Variants in NFIX observed in about 807,000 individuals in gnomAD.
NFIX encodes nuclear factor 1 X-type.
In NFIX, 2 loss-of-function variants were observed where a neutral mutation model predicts 53.3. The ratio of observed to expected loss-of-function variants is 0.04; its 90% confidence interval spans 0.02 to 0.12. NFIX has a LOEUF of 0.12. Ranked by LOEUF, NFIX falls within the 10% of genes least tolerant of loss-of-function variation. NFIX has a pLI of 1.00. For synonymous variants in NFIX, 244 were observed against 289.0 expected (o/e 0.84, Z 1.58); for missense variants, 310 against 674.5 (o/e 0.46, Z 5.99).
chr19:13,021,643 A>G lies in NFIX; in HGVS notation c.28-3378A>G, dbSNP rs1289044691. ...TCCCTTTCTCCCTGTCTGCAGCCAC[A>G]TCCTTCTTCCTCTGCTTTTCCTTTT... On this transcript the variant is annotated intron_variant, in intron 1 of 10. Transcript: ENST00000592199. This position sits in a 1 kb window ranked among gnomAD's most constrained non-coding sequence, Gnocchi z 4.2. Among the ~76,000 whole-genome samples the G allele has an allele frequency of 1.3e-5, 2 of 152,082 alleles. No homozygotes were observed. The highest frequency in any genetic ancestry group is 1.3e-4 in the Admixed American group (2 of 15,274).
rs748370845 is a variant in NFIX at position 13,081,669 on chromosome 19, C to T, written c.1079-11C>T. 4.3e-5 allele frequency: 70 copies of T among 1,610,862 alleles called. No homozygotes were observed. Among genetic ancestry groups the T allele is most frequent in the Non-Finnish European group, 5.5e-5 (65 of 1,177,710 alleles). On this transcript the variant is annotated splice_polypyrimidine_tract_variant and intron_variant, in intron 7 of 10. Coordinates refer to ENST00000592199, the MANE Select transcript of NFIX (RefSeq NM_001365902.3). This position sits in a 1 kb window ranked among gnomAD's most constrained non-coding sequence, Gnocchi z 4.7. ...CCTGACGCCCTTTTTTCCCTGCCCA[C>T]GTGCATGCAGGGAGCCCCCGGGCCA...
At chr19:13,071,958 T>G (rs2016800319) in intron 2 of NFIX, among the ~76,000 whole-genome samples, 2 of 152,206 alleles carry the variant, frequency 1.3e-5, no homozygotes, top group Non-Finnish European at 1.5e-5. Context: ...GCCAGCAGGT[T>G]GAATCAGGGT....
Position 13,077,476 on chromosome 19 carries a change from A to G in NFIX, c.956-1137A>G, listed in dbSNP as rs114754486. 3.4e-3 allele frequency among the ~76,000 whole-genome samples: 525 copies of G among 152,256 alleles called. 6 individuals carry two copies. Among genetic ancestry groups the G allele is most frequent in the African/African-American group, 0.012 (509 of 41,550 alleles). On this transcript the variant is annotated intron_variant, in intron 6 of 10. Coordinates refer to ENST00000592199, the MANE Select transcript of NFIX (RefSeq NM_001365902.3). ...TGTGCGGCCATGGGGACAGCTGTGC[A>G]CAGCTGGTAGGATGCTCCCCCCTCC...
Position 13,047,754 on chromosome 19 carries a change from A to G in NFIX, c.559+22202A>G, listed in dbSNP as rs150229158. ...TGGGTCAAGAACCTGAGGACTTGCC[A>G]TGTCCCCTGCTCTCTCTCTCCTGGC... is the stretch of plus-strand genomic sequence containing the variant. On this transcript the variant is annotated intron_variant, in intron 2 of 10. Transcript: ENST00000592199. 2.4e-3 allele frequency among the ~76,000 whole-genome samples: 367 copies of G among 152,240 alleles called. 1 individual carries two copies. The highest frequency in any genetic ancestry group is 8.2e-3 in the African/African-American group (339 of 41,516).
At chr19:13,056,687 C>T (rs914788446) in intron 2 of NFIX, among the ~76,000 whole-genome samples, 6 of 152,266 alleles carry the variant, frequency 3.9e-5, no homozygotes, top group Non-Finnish European at 8.8e-5. Context: ...CTACATTCTT[C>T]TTTCTGTTCC....
intron 1 of NFIX, among the ~76,000 whole-genome samples, chr19:13,015,045 G>A (rs950379719): frequency 6.6e-6 from 1 of 152,218 alleles, no homozygotes; most frequent in Non-Finnish European, 1.5e-5. Flanking sequence ...GGCGCTAGTG[G>A]CTGTGAAGTG....
At position 13,067,481 on chromosome 19, in the gene NFIX, T is replaced by C. The variant is rs111261300; in HGVS notation, c.560-5566T>C. 1.6e-3 allele frequency among the ~76,000 whole-genome samples: 150 copies of C among 91,960 alleles called. 1 individual carries two copies. Among genetic ancestry groups the C allele is most frequent in the African/African-American group, 5.8e-3 (90 of 15,578 alleles). 60.3% of individuals were successfully genotyped at this position (91,960 alleles called of 152,430 possible). On this transcript the variant is annotated intron_variant, in intron 2 of 10. Coordinates refer to ENST00000592199, the MANE Select transcript of NFIX (RefSeq NM_001365902.3). This position sits in a 1 kb window ranked among gnomAD's most constrained non-coding sequence, Gnocchi z 4.2. ...GTGCGCGCGTGTGTGTGTGTGTGTG[T>C]GCGTGTGTGTGTGTGTGTGTGTGTA...
intron 2 of NFIX, among the ~76,000 whole-genome samples, chr19:13,050,475 G>T (rs1056189523): frequency 6.6e-6 from 1 of 152,206 alleles, no homozygotes; most frequent in East Asian, 1.9e-4. Context: ...TTCAGCTGCA[G>T]GGGGGTGTTA....
In NFIX at chr19:13,011,417, G is replaced by A. The variant is rs1287769528; in HGVS notation, c.28-13604G>A. On this transcript the variant is annotated intron_variant, in intron 1 of 10. Transcript: ENST00000592199. This position sits in a 1 kb window ranked among gnomAD's most constrained non-coding sequence, Gnocchi z 6.5. The stretch of plus-strand genomic sequence containing the variant: ...CTTGCCCCCGAGTCCAGCTCGGGCC[G>A]CACGCTACCCGCCCTCCAGGCCTTC... Among the ~76,000 whole-genome samples the A allele has an allele frequency of 6.6e-6, 1 of 152,126 alleles. No homozygotes were observed. The highest frequency in any genetic ancestry group is 1.5e-5 in the Non-Finnish European group (1 of 68,014).
At chr19:13,050,486 C>G (rs769853690) in intron 2 of NFIX, among the ~76,000 whole-genome samples, 2 of 152,226 alleles carry the variant, frequency 1.3e-5, no homozygotes, top group African/African-American at 2.4e-5. Context: ...GGGGGTGTTA[C>G]CCAGGCAGCT....
Position 13,073,360 on chromosome 19 carries a change from G to A in NFIX, c.623-62G>A. The A allele has an allele frequency of 7.1e-7, 1 of 1,415,662 alleles. No individual in the cohort carries two copies. The highest frequency in any genetic ancestry group is 1.0e-6 in the Non-Finnish European group (1 of 999,118). 87.7% of individuals were successfully genotyped at this position (1,415,662 alleles called of 1,614,324 possible). ...GAAGCAACAGTGTGGAAGACCTTTGGAAATAGCCAGGCAGCCCCCTTCTGG... is the reference window on the plus strand; with the variant it reads ...GAAGCAACAGTGTGGAAGACCTTTGAAAATAGCCAGGCAGCCCCCTTCTGG... On this transcript the variant is annotated intron_variant, in intron 3 of 10. Transcript: ENST00000592199. The surrounding 1 kb of genome is among the most constrained non-coding windows in gnomAD (Gnocchi z 4.5).
rs1289703280 is a variant in NFIX at position 13,005,874 on chromosome 19, C to T, written c.27+10010C>T. On this transcript the variant is annotated intron_variant, in intron 1 of 10. Coordinates refer to ENST00000592199, the MANE Select transcript of NFIX (RefSeq NM_001365902.3). This position sits in a 1 kb window ranked among gnomAD's most constrained non-coding sequence, Gnocchi z 4.7. ...TGGTGGTCTCACCCCCTCTGCACCC[C>T]TGCTGGCCAGGCTTGCCCTCACCCC... is the stretch of plus-strand genomic sequence containing the variant. Among the ~76,000 whole-genome samples, 1 of 152,246 alleles carries T rather than the reference C, an allele frequency of 6.6e-6. No homozygotes were observed. Among genetic ancestry groups the T allele is most frequent in the African/African-American group, 2.4e-5 (1 of 41,468 alleles).
rs1246380888 is a variant in NFIX at position 13,005,733 on chromosome 19, G to T, written c.27+9869G>T. Among the ~76,000 whole-genome samples the T allele has an allele frequency of 1.3e-5, 2 of 152,082 alleles. No individual in the cohort carries two copies. Among genetic ancestry groups the T allele is most frequent in the African/African-American group, 4.8e-5 (2 of 41,390 alleles). On this transcript the variant is annotated intron_variant, in intron 1 of 10. Transcript: ENST00000592199. The surrounding 1 kb of genome is among the most constrained non-coding windows in gnomAD (Gnocchi z 4.7). ...CTGGCCTTTCCCAAATTTCAAAATG[G>T]GTCTGCACACCCCCACGCCCCCATT...
In NFIX at chr19:13,073,596, G is replaced by A. The variant is rs1599843958; in HGVS notation, c.697+100G>A. ...TAATGGGGTCTTAGGGCAGGTGGAT[G>A]GGAACAGATGCTTTCTGGGACACTC... On this transcript the variant is annotated intron_variant, in intron 4 of 10. Transcript: ENST00000592199. This position sits in a 1 kb window ranked among gnomAD's most constrained non-coding sequence, Gnocchi z 4.5. 2.8e-5 allele frequency: 30 copies of A among 1,074,116 alleles called. No individual in the cohort carries two copies. The highest frequency in any genetic ancestry group is 7.8e-5 in the South Asian group (6 of 77,008). 66.5% of individuals were successfully genotyped at this position (1,074,116 alleles called of 1,614,324 possible).
chr19:13,061,484 C>G (rs1181565524), intron 2 of NFIX, among the ~76,000 whole-genome samples: 2 of 152,198 alleles, frequency 1.3e-5, no homozygotes, highest in East Asian at 1.9e-4. Context: ...AGCTCTGGGC[C>G]GGTCGCTGGC....
At position 13,051,575 on chromosome 19, in the gene NFIX, C is replaced by A. The variant is rs990738916; in HGVS notation, c.560-21472C>A. Among the ~76,000 whole-genome samples the A allele has an allele frequency of 6.6e-6, 1 of 152,176 alleles. No individual in the cohort carries two copies. The highest frequency in any genetic ancestry group is 2.4e-5 in the African/African-American group (1 of 41,436). On this transcript the variant is annotated intron_variant, in intron 2 of 10. Transcript: ENST00000592199. This position sits in a 1 kb window ranked among gnomAD's most constrained non-coding sequence, Gnocchi z 5.1. ...CCAGTGAGCCAGATTTTTTTCCAAG[C>A]CTCAAGTCAGGCAGGTTCGGGGAGG...
Position 13,062,362 on chromosome 19 carries a change from C to T in NFIX, c.560-10685C>T, listed in dbSNP as rs78858286. The stretch of plus-strand genomic sequence containing the variant: ...GGGGGAAGATGTCAGCTAGCTGGTG[C>T]CTCTGTTCCCTGGGTGGTCAGTGTA... On this transcript the variant is annotated intron_variant, in intron 2 of 10. Coordinates refer to ENST00000592199, the MANE Select transcript of NFIX (RefSeq NM_001365902.3). Among the ~76,000 whole-genome samples, 465 of 152,310 alleles carry T rather than the reference C, an allele frequency of 3.1e-3. 2 individuals are homozygous for T. Among genetic ancestry groups the T allele is most frequent in the African/African-American group, 0.011 (448 of 41,566 alleles).
intron 1 of NFIX, among the ~76,000 whole-genome samples, chr19:13,017,121 T>TC (rs1476660333): frequency 2.0e-5 from 3 of 152,066 alleles, no homozygotes; most frequent in Non-Finnish European, 4.4e-5. Context: ...GAGGGAGACT[T>TC]CCCGTGCAAA....
chr19:13,032,630 C>T (rs1031644450), intron 2 of NFIX, among the ~76,000 whole-genome samples: 1 of 152,116 alleles, frequency 6.6e-6, no homozygotes, highest in African/African-American at 2.4e-5. Flanking sequence ...CACCCTAAAT[C>T]AGAGAATGAG....
Sources: gnomAD v4.1 joint callset for allele counts (sites outside exome capture counted in the v4.1 genomes callset) on GRCh38, gnomAD v4.1.1 for gene constraint, Gnocchi (gnomAD v3.1) non-coding constraint, MANE v1.5 for transcripts, NCBI Gene and HGNC (gene_info 2026-07-23, HGNC 2026-07-21) for gene names.